The following TOGARAM2 variants were observed in gnomAD, a reference collection of about 807,000 sequenced individuals.
TOGARAM2 encodes TOG array regulator of axonemal microtubules protein 2.
A neutral mutation model predicts 93.3 loss-of-function variants in TOGARAM2; 85 were observed. The observed-to-expected ratio is 0.91, with a 90% CI of 0.76 to 1.09. The LOEUF is 1.09. Among genes scored for constraint, TOGARAM2 ranks in the 50% least tolerant of loss-of-function variants. The pLI is 0.00. For synonymous variants in TOGARAM2, 593 were observed against 552.8 expected (o/e 1.07, Z -1.02); for missense variants, 1,277 against 1,334.5 (o/e 0.96, Z 0.67).
chr2:28,990,514 G>A (rs1453422494), intron 1 of TOGARAM2, among the ~76,000 whole-genome samples: 1 of 152,188 alleles, frequency 6.6e-6, no homozygotes, highest in East Asian at 1.9e-4. Context: ...AGACTCACAG[G>A]CGCATCTCCT....
intron 8 of TOGARAM2, among the ~76,000 whole-genome samples, chr2:29,015,355 C>G (rs538708873): frequency 3.3e-5 from 5 of 152,184 alleles, no homozygotes; most frequent in East Asian, 1.9e-4. Context: ...TGTGTCCCCC[C>G]ACCATGGTCT....
chr2:29,041,965 A>G (rs1381838374), intron 18 of TOGARAM2, among the ~76,000 whole-genome samples: 3 of 152,186 alleles, frequency 2.0e-5, no homozygotes, highest in Non-Finnish European at 4.4e-5. Context: ...TATTCATTGA[A>G]CCCTTACAGC....
chr2:29,023,198 C>T lies in TOGARAM2; in HGVS notation c.1617+7C>T, dbSNP rs1467268172. On this transcript the variant is annotated splice_region_variant and intron_variant, in intron 12 of 19. Transcript: ENST00000379558. ...CTTGGTGGTGACTGGGGAGGTGAGGCCCCCCAGCCTGTGTGCTGTGCATTT... is the reference window on the plus strand; with the variant it reads ...CTTGGTGGTGACTGGGGAGGTGAGGTCCCCCAGCCTGTGTGCTGTGCATTT... 1 of 1,571,340 alleles carries T rather than the reference C, an allele frequency of 6.4e-7. No individual in the cohort carries two copies. Among genetic ancestry groups the T allele is most frequent in the South Asian group, 1.2e-5 (1 of 85,572 alleles).
chr2:29,034,916 C>A (rs547986306), intron 16 of TOGARAM2, among the ~76,000 whole-genome samples: 1 of 152,186 alleles, frequency 6.6e-6, no homozygotes, highest in Non-Finnish European at 1.5e-5. Flanking sequence ...CTTTGGGAGG[C>A]CAAGGTGGGT....
chr2:29,048,038 T>TTTATAAAGAAATTATAAA (rs1666850940), intron 19 of TOGARAM2: 3 of 152,352 alleles, frequency 2.0e-5, no homozygotes, highest in Admixed American at 1.3e-4. Context: ...GACTGGGTAA[T>TTTATAAAGAAATTATAAA]TTATAAAGAA....
intron 18 of TOGARAM2, among the ~76,000 whole-genome samples, chr2:29,040,662 A>G (rs12470008): frequency 0.091 from 13,817 of 152,194 alleles, 706 homozygotes; most frequent in East Asian, 0.14. Context: ...GAGGCCCTGA[A>G]TTTTGGGGTA....
At chr2:28,967,438 G>A (rs566291404) in intron 1 of TOGARAM2, among the ~76,000 whole-genome samples, 2 of 152,236 alleles carry the variant, frequency 1.3e-5, no homozygotes, top group East Asian at 3.9e-4. Context: ...TCGCACCACT[G>A]CACTCCTGCC....
In TOGARAM2 at chr2:29,024,276, C is replaced by T. The variant is rs372387830; in HGVS notation, c.1755C>T (p.Asn585=). 28 of 1,613,108 alleles carry T rather than the reference C, an allele frequency of 1.7e-5. No individual in the cohort carries two copies. The highest frequency in any genetic ancestry group is 6.7e-5 in the Admixed American group (4 of 59,922). The change falls in exon 13 of 20, where the codon AAC becomes AAT. Residue 585 remains asparagine (N), a synonymous_variant. Transcript: ENST00000379558. ...TGCTGCAGAAGATGGCGGACACCAA[C>T]GAGTTCATCCAGAGAGCAGCCGGCC... ...RCLLQKMADT[N]EFIQRAAGQS... is the part of the protein sequence containing the mutation.
chr2:29,041,616 T>C (rs1404415324), intron 18 of TOGARAM2, among the ~76,000 whole-genome samples: 1 of 152,208 alleles, frequency 6.6e-6, no homozygotes, highest in East Asian at 1.9e-4. Flanking sequence ...CTTGGCTGAA[T>C]GGGACAGGTG....
intron 1 of TOGARAM2, among the ~76,000 whole-genome samples, chr2:28,994,274 G>C (rs755269575): frequency 1.3e-5 from 2 of 152,136 alleles, no homozygotes; most frequent in Non-Finnish European, 2.9e-5. Flanking sequence ...TCCTGAGAGA[G>C]ACTGGAGAAC....
Position 29,023,121 on chromosome 2 carries a change from G to A in TOGARAM2, c.1547G>A (p.Arg516His), listed in dbSNP as rs369060914. ...GAGAAGGGTCTGGTGAGCATCCAGC[G>A]CTTGGCAGCCTGTCACTCAGAGGTC... ...MKEKGLVSIQ[R>H]LAACHSEVLT... Residue 516 changes from arginine (R) to histidine (H), a missense_variant, in exon 12 of 20, where the codon CGC becomes CAC. Arg to His is a conservative substitution (Grantham distance 29). Transcript: ENST00000379558. 7 of 1,601,390 alleles carry A rather than the reference G, an allele frequency of 4.4e-6. No individual in the cohort carries two copies. Among genetic ancestry groups the A allele is most frequent in the African/African-American group, 2.7e-5 (2 of 74,804 alleles).
At chr2:29,027,101 G>A in intron 14 of TOGARAM2, 90 bp downstream of exon 14, 1 of 1,327,528 alleles carries the variant, frequency 7.5e-7, no homozygotes, top group South Asian at 1.6e-5. Flanking sequence ...GCTTCCCTGG[G>A]ATCCTGCAGA....
Position 29,035,191 on chromosome 2 carries a change from T to C in TOGARAM2, c.2226-273T>C, listed in dbSNP as rs967281958. 7.3e-5 allele frequency among the ~76,000 whole-genome samples: 11 copies of C among 151,618 alleles called. No individual in the cohort carries two copies. The East Asian group carries it at 1.7e-3, about 24-fold the overall frequency. On this transcript the variant is annotated intron_variant, in intron 16 of 19. Coordinates refer to ENST00000379558, the MANE Select transcript of TOGARAM2 (RefSeq NM_199280.4). ...AAAAAATGTGTACCAGTCATTCTTT[T>C]GTGGATAGCCACTTCCTCACTCTGA...
At chr2:28,993,517 G>C (rs998794144) in intron 1 of TOGARAM2, among the ~76,000 whole-genome samples, 1 of 152,206 alleles carries the variant, frequency 6.6e-6, no homozygotes, top group Non-Finnish European at 1.5e-5. Context: ...GAGAGGTGCT[G>C]TGTCTCACAG....
At chr2:28,994,450 C>T (rs549239627) in intron 1 of TOGARAM2, among the ~76,000 whole-genome samples, 52 of 152,234 alleles carry the variant, frequency 3.4e-4, no homozygotes, top group Non-Finnish European at 2.9e-4. Context: ...CATCTTTCCC[C>T]GCGACCCTAA....
At chr2:28,960,339 C>T (rs1671785566) in intron 1 of TOGARAM2, among the ~76,000 whole-genome samples, 1 of 152,082 alleles carries the variant, frequency 6.6e-6, no homozygotes. Flanking sequence ...ACCGTAATCC[C>T]CTAATACCAT....
At chr2:29,049,071 T>C (rs1666926509) in intron 19 of TOGARAM2, 1 of 151,824 alleles carries the variant, frequency 6.6e-6, no homozygotes, top group Non-Finnish European at 1.5e-5. Context: ...TTCTCCATGT[T>C]GGCCAGGCTG....
At chr2:28,999,880 G>C (rs573360946) in intron 4 of TOGARAM2, among the ~76,000 whole-genome samples, 4 of 152,156 alleles carry the variant, frequency 2.6e-5, no homozygotes, top group Non-Finnish European at 5.9e-5. Context: ...CTCTGCCTTC[G>C]GTCTCTGCTG....
intron 13 of TOGARAM2, 22 bp from the exon 14 acceptor site, chr2:29,026,831 C>T: frequency 6.4e-7 from 1 of 1,566,952 alleles, no homozygotes; most frequent in South Asian, 1.2e-5. Context: ...AGACTGACCC[C>T]TGGGCCATGA....
Sources: gnomAD v4.1 joint callset for allele counts (sites outside exome capture counted in the v4.1 genomes callset) on GRCh38, gnomAD v4.1.1 for gene constraint, MANE v1.5 for transcripts, NCBI Gene and HGNC (gene_info 2026-07-23, HGNC 2026-07-21) for gene names.